BRD4: variants seen among roughly 807,000 people sequenced by gnomAD.
The protein encoded by BRD4 is bromodomain-containing protein 4.
A neutral mutation model predicts 142.1 loss-of-function variants in BRD4; 16 were observed. The observed-to-expected ratio is 0.11, with a 90% confidence interval of 0.08 to 0.17. The LOEUF (loss-of-function observed/expected upper bound fraction) is 0.17. BRD4 is among the 10% of genes least tolerant of loss of function. The pLI, the probability that BRD4 is intolerant of heterozygous loss-of-function variation, is 1.00. For synonymous variants in BRD4, 833 were observed against 707.5 expected, an observed-to-expected ratio of 1.18 and a Z score of -2.82; for missense variants, 1,424 against 1,810.9, an observed-to-expected ratio of 0.79 and a Z score of 3.88.
chr19:15,267,335 C>T, intron 4 of BRD4, 81 bp downstream of exon 4: 1 of 1,535,540 alleles, frequency 6.5e-7, no homozygotes, highest in Middle Eastern at 1.8e-4. Context: ...ATCCTCCTGC[C>T]ACTCCCAGCC....
At position 15,239,663 on chromosome 19, in the gene BRD4, G is replaced by A. The variant is rs2145501718; in HGVS notation, c.3441C>T (p.Pro1147=). The A allele has an allele frequency of 6.3e-7, 1 of 1,581,804 alleles. No individual in the cohort carries two copies. Among genetic ancestry groups the A allele is most frequent in the Non-Finnish European group, 8.5e-7 (1 of 1,172,460 alleles). ...GTGGGCAGGGAGAGCACTCACGCTG[G>A]GGCAGGTGGACGGGGGCCTTGATGC... is the stretch of plus-strand genomic sequence containing the variant. ...PESIKAPVHL[P]QRPEMKPVDV... Residue 1147 remains proline (P), a synonymous_variant, in exon 16 of 20, where the codon CCC becomes CCT. Coordinates refer to ENST00000679869, the MANE Select transcript of BRD4 (RefSeq NM_001379291.1). This position sits in a 1 kb window ranked among gnomAD's most constrained non-coding sequence, Gnocchi z 7.4.
At position 15,292,971 on chromosome 19, in the gene BRD4, T is replaced by C. The variant is rs1455934934; in HGVS notation, c.-34-19838A>G. 3.3e-5 allele frequency among the ~76,000 whole-genome samples: 5 copies of C among 152,006 alleles called. No homozygotes were observed. In the East Asian group the frequency reaches 9.7e-4, roughly 29 times the overall value. On this transcript the variant is annotated intron_variant, in intron 1 of 19. Transcript: ENST00000679869. Reference sequence around the variant, plus strand: ...AATGTCCTACTCTCTTAACTCCTCTTGGAGTTAAGTGCCCCTGAAAGGGTG... The same window carrying C: ...AATGTCCTACTCTCTTAACTCCTCTCGGAGTTAAGTGCCCCTGAAAGGGTG...
At chr19:15,330,634 G>A (rs961851724) in intron 1 of BRD4, among the ~76,000 whole-genome samples, 1 of 152,100 alleles carries the variant, frequency 6.6e-6, no homozygotes, top group African/African-American at 2.4e-5. Context: ...AGATGTGGTG[G>A]CGGGCGCCTG....
chr19:15,244,169 C>T, intron 13 of BRD4, 62 bp downstream of exon 13: 1 of 1,534,724 alleles, frequency 6.5e-7, no homozygotes, highest in Non-Finnish European at 8.7e-7. Context: ...TGCTCGGACA[C>T]CACATGGGTA....
At chr19:15,308,314 C>T (rs991480126) in intron 1 of BRD4, among the ~76,000 whole-genome samples, 7 of 149,000 alleles carry the variant, frequency 4.7e-5, no homozygotes, top group Admixed American at 1.3e-4. Flanking sequence ...GTTGGCTGGG[C>T]GCGGTGGCTC....
intron 7 of BRD4, among the ~76,000 whole-genome samples, chr19:15,262,084 G>C (rs1320449999): frequency 6.6e-6 from 1 of 152,176 alleles, no homozygotes; most frequent in Non-Finnish European, 1.5e-5. Context: ...GAATAGGAGA[G>C]ACAGTGCCTT....
Position 15,255,445 on chromosome 19 carries a change from C to T in BRD4, c.1899G>A (p.Val633=), listed in dbSNP as rs373099198. 2 of 1,614,028 alleles carry T rather than the reference C, an allele frequency of 1.2e-6. No individual in the cohort carries two copies. Among genetic ancestry groups the T allele is most frequent in the Non-Finnish European group, 1.7e-6 (2 of 1,180,046 alleles). ...GCTCCCGTGACTGGATGATGTGCAC[C>T]ACGCGGCCCAGCTTCTCGCCGGGGA... The part of the protein sequence containing the change: ...NKLPGEKLGR[V]VHIIQSREPS... The change falls in exon 10 of 20, where the codon GTG becomes GTA. Residue 633 remains valine, a synonymous_variant. Transcript: ENST00000679869.
chr19:15,320,086 G>T lies in BRD4; in HGVS notation c.-35+12204C>A, dbSNP rs1353633001. Among the ~76,000 whole-genome samples, 4 of 152,104 alleles carry T rather than the reference G, an allele frequency of 2.6e-5. No homozygotes were observed. In the South Asian group the frequency reaches 8.3e-4, roughly 32 times the overall value. ...CCTATGTGCATTTTTGTGGAGAGAG[G>T]ATCCAAAGCATCTGTAGCATACTCA... On this transcript the variant is annotated intron_variant, in intron 1 of 19. Coordinates refer to ENST00000679869, the MANE Select transcript of BRD4 (RefSeq NM_001379291.1).
At chr19:15,287,718 C>T (rs915218140) in intron 1 of BRD4, among the ~76,000 whole-genome samples, 5 of 152,020 alleles carry the variant, frequency 3.3e-5, no homozygotes, top group East Asian at 1.9e-4. Flanking sequence ...TTGTGGTTGT[C>T]GTATTTCACT....
intron 1 of BRD4, among the ~76,000 whole-genome samples, chr19:15,285,233 T>G (rs546410199): frequency 6.6e-6 from 1 of 152,140 alleles, no homozygotes; most frequent in African/African-American, 2.4e-5. Context: ...TTCAGACCAA[T>G]AGAAACCAAA....
chr19:15,244,440 G>T lies in BRD4; in HGVS notation c.2372C>A (p.Pro791Gln). The change falls in exon 13 of 20, where the codon CCG becomes CAG. Residue 791 changes from proline to glutamine, a missense_variant. Transcript: ENST00000679869. ...GGGTGGGGGCGAGGACTTCATCGCC[G>T]GGGCTGCCTGCTGCGGCATGGAGGG... ...PPPSMPQQAAPAMKSSPPPFI... is the reference protein window; with the variant it reads ...PPPSMPQQAAQAMKSSPPPFI... The T allele has an allele frequency of 6.4e-7, 1 of 1,569,978 alleles. No individual in the cohort carries two copies. Among genetic ancestry groups the T allele is most frequent in the Non-Finnish European group, 8.6e-7 (1 of 1,166,734 alleles).
At chr19:15,263,934 CAGA>C (rs1049420804) in intron 6 of BRD4, among the ~76,000 whole-genome samples, 5 of 152,226 alleles carry the variant, frequency 3.3e-5, no homozygotes, top group Admixed American at 6.5e-5. Flanking sequence ...ACTCCACTCC[CAGA>C]AGAAGAAACA....
intron 1 of BRD4, among the ~76,000 whole-genome samples, chr19:15,292,446 G>A (rs2047788918): frequency 1.3e-5 from 2 of 152,146 alleles, no homozygotes; most frequent in East Asian, 1.9e-4. Context: ...GCCTAATAGG[G>A]CATCGTGAGC....
At chr19:15,288,631 C>G (rs2047758007) in intron 1 of BRD4, among the ~76,000 whole-genome samples, 1 of 152,194 alleles carries the variant, frequency 6.6e-6, no homozygotes, top group Non-Finnish European at 1.5e-5. Flanking sequence ...CTTGTTTTTA[C>G]CAAAGCAGCC....
At chr19:15,327,364 C>A (rs985794428) in intron 1 of BRD4, among the ~76,000 whole-genome samples, 2 of 152,050 alleles carry the variant, frequency 1.3e-5, no homozygotes, top group African/African-American at 4.8e-5. Context: ...CATGGTGAAA[C>A]CCCATCTCTA....
At position 15,239,627 on chromosome 19, in the gene BRD4, G is replaced by C; in HGVS notation, c.3445+32C>G. ...GTCCAACACGGGCCTCGGGGGGCCTGAGCCCTGGCTGTGGGCAGGGAGAGC... is the reference window on the plus strand; with the variant it reads ...GTCCAACACGGGCCTCGGGGGGCCTCAGCCCTGGCTGTGGGCAGGGAGAGC... On this transcript the variant is annotated intron_variant, in intron 16 of 19. Coordinates refer to ENST00000679869, the MANE Select transcript of BRD4 (RefSeq NM_001379291.1). This position sits in a 1 kb window ranked among gnomAD's most constrained non-coding sequence, Gnocchi z 7.4. 2 of 1,560,996 alleles carry C rather than the reference G, an allele frequency of 1.3e-6. No individual in the cohort carries two copies. The highest frequency in any genetic ancestry group is 1.7e-6 in the Non-Finnish European group (2 of 1,162,580).
chr19:15,277,827 A>G (rs1384987887), intron 1 of BRD4, among the ~76,000 whole-genome samples: 1 of 150,314 alleles, frequency 6.7e-6, no homozygotes, highest in Non-Finnish European at 1.5e-5. Context: ...CAAAGGTCAT[A>G]TAAAAATCAA....
intron 1 of BRD4, among the ~76,000 whole-genome samples, chr19:15,281,046 G>C (rs886649699): frequency 3.9e-5 from 6 of 152,220 alleles, no homozygotes; most frequent in African/African-American, 1.4e-4. Context: ...TGCAATCTGT[G>C]TCAGTGGGGA....
intron 1 of BRD4, among the ~76,000 whole-genome samples, chr19:15,273,816 CTTTTT>C (rs920676613): frequency 7.9e-6 from 1 of 127,382 alleles, no homozygotes; most frequent in African/African-American, 2.8e-5. Flanking sequence ...CTACCATTTT[CTTTTT>C]TTTTTTTTTT....
Sources: gnomAD v4.1 joint callset for allele counts (sites outside exome capture counted in the v4.1 genomes callset) on GRCh38, gnomAD v4.1.1 for gene constraint, Gnocchi (gnomAD v3.1) non-coding constraint, MANE v1.5 for transcripts, NCBI Gene and HGNC (gene_info 2026-07-23, HGNC 2026-07-21) for gene names.